CLVS1: variants seen among roughly 807,000 people sequenced by gnomAD.
CLVS1 encodes the protein clavesin-1.
CLVS1 carries 10 observed loss-of-function variants against 33.1 expected under a neutral mutation model. The observed-to-expected ratio is 0.30, with a 90% CI of 0.19 to 0.51. The LOEUF (loss-of-function observed/expected upper bound fraction) is 0.51. CLVS1 is among the 20% of genes least tolerant of loss of function. CLVS1 has a pLI of 0.97. For synonymous variants in CLVS1, 163 were observed against 166.1 expected, an observed-to-expected ratio of 0.98 and a Z score of 0.14; for missense variants, 343 against 433.4, an observed-to-expected ratio of 0.79 and a Z score of 1.85.
At chr8:61,044,428 A>G in the CLVS1 span, among the ~76,000 whole-genome samples, 2 of 152,094 alleles carry the variant, frequency 1.3e-5, no homozygotes, top group African/African-American at 2.4e-5. Context: ...CCCAGCAACA[A>G]TCTGTTGTAA....
chr8:61,286,298 A>G (rs145671427), upstream of CLVS1, among the ~76,000 whole-genome samples: 718 of 152,280 alleles, frequency 4.7e-3, 5 homozygotes, highest in Non-Finnish European at 7.8e-3. Flanking sequence ...GGCAAGCCTC[A>G]GGATATTAGA....
At chr8:61,481,385 A>G (rs1818188701) in intron 5 of CLVS1, among the ~76,000 whole-genome samples, 1 of 151,676 alleles carries the variant, frequency 6.6e-6, no homozygotes, top group African/African-American at 2.4e-5. Context: ...TGCAGCCCAC[A>G]GAATAGAGTG....
intron 3 of CLVS1, among the ~76,000 whole-genome samples, chr8:61,451,204 C>T (rs1437320831): frequency 6.6e-6 from 1 of 152,050 alleles, no homozygotes; most frequent in Admixed American, 6.6e-5. Context: ...TATAACATTA[C>T]ATAACCCATC....
At chr8:61,242,832 A>AT (rs1309858327) in intron 2 of CLVS1, among the ~76,000 whole-genome samples, 2 of 152,064 alleles carry the variant, frequency 1.3e-5, no homozygotes, top group African/African-American at 4.8e-5. Flanking sequence ...AATAAAATGT[A>AT]TTTTCTATTT....
chr8:61,085,253 T>G (rs1805096632), intron 1 of CLVS1, among the ~76,000 whole-genome samples: 1 of 152,222 alleles, frequency 6.6e-6, no homozygotes, highest in South Asian at 2.1e-4. Flanking sequence ...AATAAATATG[T>G]GTGACTTATT....
intron 2 of CLVS1, among the ~76,000 whole-genome samples, chr8:61,214,645 A>AT (rs1393304133): frequency 2.6e-5 from 4 of 152,176 alleles, no homozygotes; most frequent in Non-Finnish European, 4.4e-5. Context: ...TGAGAAAATA[A>AT]TTTTTCTTGC....
intron 1 of CLVS1, among the ~76,000 whole-genome samples, chr8:61,127,880 A>T (rs1806005636): frequency 6.6e-6 from 1 of 152,322 alleles, no homozygotes; most frequent in Admixed American, 6.5e-5. Flanking sequence ...ATTAACTCTC[A>T]TTATTGGAGA....
chr8:61,479,849 T>A (rs1423004023), intron 5 of CLVS1, among the ~76,000 whole-genome samples: 1 of 152,230 alleles, frequency 6.6e-6, no homozygotes, highest in Non-Finnish European at 1.5e-5. Flanking sequence ...GGAAGTCCAC[T>A]CCAGACCCTG....
the CLVS1 span, among the ~76,000 whole-genome samples, chr8:60,989,525 T>G: frequency 1.3e-5 from 2 of 152,186 alleles, no homozygotes; most frequent in African/African-American, 4.8e-5. Flanking sequence ...AAACATTTCT[T>G]GAATTGGCCC....
intron 3 of CLVS1, among the ~76,000 whole-genome samples, chr8:61,420,175 T>C (rs530939443): frequency 2.0e-5 from 3 of 152,208 alleles, no homozygotes; most frequent in Non-Finnish European, 2.9e-5. Context: ...AACCTCTCTG[T>C]GACTCAATTT....
At chr8:61,409,727 G>A (rs562716647) in intron 3 of CLVS1, among the ~76,000 whole-genome samples, 84 of 152,264 alleles carry the variant, frequency 5.5e-4, no homozygotes, top group African/African-American at 2.0e-3. Flanking sequence ...TGGTTGGGGG[G>A]ACGGTGCGCT....
chr8:61,346,654 T>C (rs1480192844), intron 2 of CLVS1, among the ~76,000 whole-genome samples: 3 of 152,110 alleles, frequency 2.0e-5, no homozygotes, highest in Non-Finnish European at 2.9e-5. Context: ...TTGACTTTTT[T>C]CCCCCAGATA....
intron 1 of CLVS1, among the ~76,000 whole-genome samples, chr8:61,118,297 G>A (rs1017853197): frequency 1.3e-5 from 2 of 152,166 alleles, no homozygotes; most frequent in East Asian, 1.9e-4. Flanking sequence ...CGGTCTATCA[G>A]TTTTGTTGAT....
chr8:61,096,656 C>T (rs1303101786), intron 1 of CLVS1, among the ~76,000 whole-genome samples: 1 of 152,064 alleles, frequency 6.6e-6, no homozygotes, highest in East Asian at 1.9e-4. Context: ...CCTCTTATAC[C>T]AGAACATGAG....
chr8:61,298,687 G>T (rs1810309931), intron 1 of CLVS1, among the ~76,000 whole-genome samples: 1 of 152,138 alleles, frequency 6.6e-6, no homozygotes, highest in Non-Finnish European at 1.5e-5. Flanking sequence ...TATTTAGTGT[G>T]TCTTCTGATT....
intron 2 of CLVS1, among the ~76,000 whole-genome samples, chr8:61,253,416 G>A (rs1007523318): frequency 8.6e-5 from 13 of 152,018 alleles, no homozygotes; most frequent in East Asian, 7.7e-4. Context: ...TGCTCTTCTC[G>A]AGGAGTAACT....
intron 2 of CLVS1, among the ~76,000 whole-genome samples, chr8:61,261,832 G>A (rs1279286071): frequency 6.6e-6 from 1 of 152,106 alleles, no homozygotes; most frequent in East Asian, 1.9e-4. Context: ...CTGAGTCTAT[G>A]GTATTCTGCT....
At chr8:61,486,494 A>G (rs1803887538) in intron 5 of CLVS1, among the ~76,000 whole-genome samples, 1 of 152,244 alleles carries the variant, frequency 6.6e-6, no homozygotes, top group South Asian at 2.1e-4. Flanking sequence ...TTTAATTTGA[A>G]CCAATGTAAA....
the CLVS1 span, among the ~76,000 whole-genome samples, chr8:61,021,778 G>T: frequency 6.6e-6 from 1 of 152,074 alleles, no homozygotes; most frequent in Non-Finnish European, 1.5e-5. Flanking sequence ...TGTTACATGG[G>T]TATATCGCAT....
Sources: allele counts gnomAD v4.1 joint callset (sites outside exome capture counted in the v4.1 genomes callset), GRCh38; gene constraint gnomAD v4.1.1; transcripts MANE v1.5; gene names NCBI Gene and HGNC (gene_info 2026-07-23, HGNC 2026-07-21).